MGRN1: variants seen among roughly 807,000 people sequenced by gnomAD.
MGRN1 encodes the protein mahogunin ring finger 1.
Under a neutral mutation model 69.2 loss-of-function variants are expected in MGRN1, and 29 were observed. The ratio of observed to expected loss-of-function variants is 0.42; its 90% CI spans 0.31 to 0.57. The LOEUF (loss-of-function observed/expected upper bound fraction) is 0.57. Ranked by LOEUF, MGRN1 falls within the 20% of genes least tolerant of loss-of-function variation. MGRN1 has a pLI of 0.15. For missense variants in MGRN1, 998 were observed against 796.2 expected (o/e 1.25, Z -3.05); for synonymous variants, 470 against 344.2 (o/e 1.37, Z -4.04).
intron 13 of MGRN1, 58 bp downstream of exon 13, chr16:4,681,834 G>A (rs973801852): frequency 8.6e-6 from 13 of 1,506,064 alleles, no homozygotes; most frequent in Admixed American, 4.0e-5. Flanking sequence ...CGTGCGGAGC[G>A]GGTGTCTTTG....
chr16:4,648,915 A>G (rs111634586), intron 1 of MGRN1, among the ~76,000 whole-genome samples: 337 of 79,128 alleles, frequency 4.3e-3, no homozygotes, highest in African/African-American at 5.0e-3. Flanking sequence ...CCTCTCGGGG[A>G]CTCTTCCCGT....
At chr16:4,660,016 C>T (rs1456636565) in intron 5 of MGRN1, among the ~76,000 whole-genome samples, 1 of 152,220 alleles carries the variant, frequency 6.6e-6, no homozygotes, top group East Asian at 1.9e-4. Context: ...GCCGCAGAGA[C>T]CTGGAGTAGG....
At chr16:4,686,285 G>A (rs1157957045) in intron 16 of MGRN1, 2 of 1,544,974 alleles carry the variant, frequency 1.3e-6, no homozygotes, top group Non-Finnish European at 1.7e-6. Context: ...CTGCTCTGTT[G>A]GTATAGACGA....
chr16:4,644,414 G>A (rs546540776), intron 1 of MGRN1, among the ~76,000 whole-genome samples: 19 of 150,680 alleles, frequency 1.3e-4, no homozygotes, highest in African/African-American at 4.6e-4. Flanking sequence ...AGGTTCAAGC[G>A]ATTTTCCTGC....
At position 4,625,028 on chromosome 16, in the gene MGRN1, A is replaced by G. The variant is rs1471877145; in HGVS notation, c.68A>G (p.Tyr23Cys). The G allele has an allele frequency of 1.9e-6, 3 of 1,554,202 alleles. No homozygotes were observed. The highest frequency in any genetic ancestry group is 1.9e-5 in the Admixed American group (1 of 52,588). Residue 23 changes from tyrosine to cysteine, a missense_variant, in exon 1 of 17, where the codon TAT (tyrosine) becomes TGT (cysteine). Tyr to Cys is a radical substitution (Grantham distance 194). Coordinates refer to ENST00000262370, the MANE Select transcript of MGRN1 (RefSeq NM_015246.4). ...EDIDIQANSA[Y>C]RYPPKSGNYF... ...ATCGACATCCAGGCGAACTCGGCCT[A>G]TCGCTACCCTCCGAAGTCCGGTGAG...
chr16:4,656,370 A>T (rs2078538201), intron 4 of MGRN1, among the ~76,000 whole-genome samples: 4 of 152,182 alleles, frequency 2.6e-5, no homozygotes, highest in Admixed American at 2.6e-4. Context: ...ACAGCCCCTG[A>T]TGTGTGCAGA....
chr16:4,682,796 C>T (rs200466410), intron 13 of MGRN1, 27 bp from the exon 14 acceptor site: 4 of 1,516,438 alleles, frequency 2.6e-6, no homozygotes, highest in African/African-American at 1.4e-5. Flanking sequence ...TCCTCTCACC[C>T]CTGCCCACCC....
chr16:4,683,951 G>C lies in MGRN1; in HGVS notation c.1618+19G>C, dbSNP rs2079248528. 3 of 1,522,984 alleles carry C rather than the reference G, an allele frequency of 2.0e-6. No individual in the cohort carries two copies. The highest frequency in any genetic ancestry group is 2.8e-5 in the African/African-American group (2 of 72,656). The allele number at this position is 1,522,984 out of a possible 1,614,324, so 94.3% of individuals were successfully genotyped here. A position where few individuals can be genotyped will look rare whatever the true frequency, so the allele number is the denominator to read the frequency against. ...CTGCCAGGTAAGGGGCTGGGGGTCT[G>C]GGGGTGAGGGGCTGGGTGCCTGTCT... On this transcript the variant is annotated intron_variant, in intron 16 of 16. Coordinates refer to ENST00000262370, the MANE Select transcript of MGRN1 (RefSeq NM_015246.4).
At chr16:4,683,122 G>A in intron 14 of MGRN1, 102 bp from the exon 15 acceptor site, 1 of 1,531,442 alleles carries the variant, frequency 6.5e-7, no homozygotes, top group African/African-American at 1.4e-5. Context: ...CCCTGGTGGA[G>A]CGGCTGTGCG....
intron 10 of MGRN1, 119 bp downstream of exon 10, chr16:4,673,776 A>T: frequency 7.7e-7 from 1 of 1,296,532 alleles, no homozygotes; most frequent in Non-Finnish European, 1.1e-6. Context: ...AAGAGTTGTC[A>T]TTCATCTAGT....
intron 1 of MGRN1, 70 bp from the exon 2 acceptor site, chr16:4,650,295 A>G: frequency 1.6e-6 from 2 of 1,266,606 alleles, no homozygotes. Flanking sequence ...GCGCCACTGC[A>G]CTCTAGCCTG....
chr16:4,686,510 C>T (rs1000149491), intron 16 of MGRN1: 1 of 1,378,630 alleles, frequency 7.3e-7, no homozygotes, highest in South Asian at 1.8e-5. Context: ...GGGGTCCTGA[C>T]TTTCGGGGCC....
chr16:4,671,482 C>T (rs1321216020), intron 9 of MGRN1, 23 bp downstream of exon 9: 5 of 1,611,274 alleles, frequency 3.1e-6, no homozygotes, highest in African/African-American at 2.7e-5. Flanking sequence ...GTGAGGTTTC[C>T]CTCTGCCATT....
chr16:4,663,879 G>T (rs1473553954), intron 5 of MGRN1, among the ~76,000 whole-genome samples: 3 of 152,222 alleles, frequency 2.0e-5, no homozygotes, highest in African/African-American at 7.2e-5. Flanking sequence ...ACAGCAGGGG[G>T]TGGGATGAAC....
chr16:4,653,777 A>T (rs1398559126), intron 4 of MGRN1, among the ~76,000 whole-genome samples: 1 of 150,830 alleles, frequency 6.6e-6, no homozygotes, highest in Admixed American at 6.6e-5. Flanking sequence ...TTTGAGACAG[A>T]GTTTCGCTCT....
At chr16:4,670,389 C>T (rs4786533) in intron 8 of MGRN1, among the ~76,000 whole-genome samples, 56,442 of 152,108 alleles carry the variant, frequency 0.37, 11,784 homozygotes, top group East Asian at 0.64. Context: ...ACTACAGGCA[C>T]GCGCCACCAT....
At chr16:4,664,814 CGT>C (rs1567211332) in intron 6 of MGRN1, 39 bp downstream of exon 6, 1 of 1,609,070 alleles carries the variant, frequency 6.2e-7, no homozygotes, top group African/African-American at 1.3e-5. Context: ...GCGTGCAGGC[CGT>C]GCAGGGAGGA....
intron 9 of MGRN1, 141 bp from the exon 10 acceptor site, chr16:4,673,357 C>G (rs2078983395): frequency 8.7e-7 from 1 of 1,148,758 alleles, no homozygotes. Flanking sequence ...CTGGGGCAAC[C>G]TCCCCCTCCC....
At chr16:4,637,336 A>G (rs962697550) in intron 1 of MGRN1, among the ~76,000 whole-genome samples, 1 of 152,004 alleles carries the variant, frequency 6.6e-6, no homozygotes, top group Non-Finnish European at 1.5e-5. Flanking sequence ...AGGCTGAGGC[A>G]GGAGAATCGC....
Sources: allele counts gnomAD v4.1 joint callset (sites outside exome capture counted in the v4.1 genomes callset), GRCh38; gene constraint gnomAD v4.1.1; transcripts MANE v1.5; gene names NCBI Gene and HGNC (gene_info 2026-07-23, HGNC 2026-07-21).